SLCO3A1: variants seen among roughly 807,000 people sequenced by gnomAD.
SLCO3A1 encodes solute carrier organic anion transporter family member 3A1.
SLCO3A1 carries 27 observed loss-of-function variants against 63.1 expected under a neutral mutation model. The ratio of observed to expected loss-of-function variants is 0.43; its 90% CI spans 0.32 to 0.59. The LOEUF (loss-of-function observed/expected upper bound fraction) is 0.59, where lower values mean the gene tolerates loss of function less well. Ranked by LOEUF, SLCO3A1 falls within the 20% of genes least tolerant of loss-of-function variation. SLCO3A1 has a pLI of 0.09. For missense variants in SLCO3A1, 773 were observed against 945.8 expected (o/e 0.82, Z 2.40); for synonymous variants, 473 against 409.9 (o/e 1.15, Z -1.86).
chr15:92,002,569 TTTC>T (rs2046268282), intron 2 of SLCO3A1, among the ~76,000 whole-genome samples: 1 of 152,234 alleles, frequency 6.6e-6, no homozygotes. Context: ...TCTGAGAATT[TTTC>T]TTCTTCTTGA....
chr15:92,155,111 G>T (rs2048355486), intron 9 of SLCO3A1: 1 of 152,212 alleles, frequency 6.6e-6, no homozygotes, highest in South Asian at 2.1e-4. Context: ...AGAAGGGTCA[G>T]TGAATTCAGA....
intron 2 of SLCO3A1, among the ~76,000 whole-genome samples, chr15:91,957,980 A>G: frequency 6.6e-6 from 1 of 152,164 alleles, no homozygotes; most frequent in East Asian, 1.9e-4. Flanking sequence ...CATTTGATCC[A>G]TGAACAACAT....
intron 2 of SLCO3A1, among the ~76,000 whole-genome samples, chr15:92,065,990 T>C (rs566504079): frequency 6.6e-6 from 1 of 152,118 alleles, no homozygotes; most frequent in Non-Finnish European, 1.5e-5. Context: ...AGATGGAAAG[T>C]AGTGAGCTTT....
At chr15:91,955,363 C>T (rs113489691) in intron 2 of SLCO3A1, among the ~76,000 whole-genome samples, 8,904 of 151,150 alleles carry the variant, frequency 0.059, 374 homozygotes, top group Non-Finnish European at 0.09. Context: ...AACAGAGTCT[C>T]GCTCTGTCAC....
Position 92,073,080 on chromosome 15 carries a change from A to G in SLCO3A1, c.647-21801A>G, listed in dbSNP as rs141195073. On this transcript the variant is annotated intron_variant, in intron 2 of 9. Transcript: ENST00000318445. ...CCTTTGCCCGGTAAGCCATGCACCAAGGATCCAAATTTGAAAACCAGAGTT... is the reference window on the plus strand; with the variant it reads ...CCTTTGCCCGGTAAGCCATGCACCAGGGATCCAAATTTGAAAACCAGAGTT... Among the ~76,000 whole-genome samples the G allele has an allele frequency of 1.6e-3, 251 of 152,176 alleles. 4 individuals carry two copies. Among genetic ancestry groups the G allele is most frequent in the African/African-American group, 5.8e-3 (240 of 41,524 alleles).
chr15:92,018,875 C>T (rs975994278), intron 2 of SLCO3A1, among the ~76,000 whole-genome samples: 7 of 152,158 alleles, frequency 4.6e-5, no homozygotes, highest in African/African-American at 2.4e-5. Flanking sequence ...CCCTCAGTTA[C>T]GATAATGTGA....
At chr15:92,060,022 C>T (rs1014047613) in intron 2 of SLCO3A1, among the ~76,000 whole-genome samples, 1 of 152,080 alleles carries the variant, frequency 6.6e-6, no homozygotes, top group African/African-American at 2.4e-5. Context: ...GCAGTTGCAA[C>T]GCAACGGTAA....
intron 2 of SLCO3A1, among the ~76,000 whole-genome samples, chr15:92,053,473 C>A (rs979447321): frequency 6.6e-6 from 1 of 152,058 alleles, no homozygotes; most frequent in African/African-American, 2.4e-5. Flanking sequence ...TATTCAGATG[C>A]GTGTAGTTTT....
intron 7 of SLCO3A1, among the ~76,000 whole-genome samples, chr15:92,131,567 C>A (rs1272891460): frequency 6.9e-6 from 1 of 144,612 alleles, no homozygotes; most frequent in Admixed American, 6.9e-5. Flanking sequence ...GGTTTTTCAC[C>A]GTGACGGCCA....
chr15:92,131,880 A>G lies in SLCO3A1; in HGVS notation c.1512+3391A>G, dbSNP rs542045993. ...GTTAGTGCCCTTCCTGCAAACCCCT[A>G]TTGCCCCTGCTCTTGCCTAGCAAGG... On this transcript the variant is annotated intron_variant, in intron 7 of 9. Coordinates refer to ENST00000318445, the MANE Select transcript of SLCO3A1 (RefSeq NM_013272.4). 3.4e-5 allele frequency among the ~76,000 whole-genome samples: 5 copies of G among 145,084 alleles called. 1 individual carries two copies. Among genetic ancestry groups the G allele is most frequent in the South Asian group, 2.2e-4 (1 of 4,530 alleles).
At chr15:91,970,446 G>A (rs1242513173) in intron 2 of SLCO3A1, among the ~76,000 whole-genome samples, 2 of 152,152 alleles carry the variant, frequency 1.3e-5, no homozygotes, top group Non-Finnish European at 2.9e-5. Context: ...GCAGAGTTGT[G>A]GAGTCCTCTC....
intron 7 of SLCO3A1, among the ~76,000 whole-genome samples, chr15:92,136,987 T>C (rs2048066736): frequency 6.8e-6 from 1 of 148,076 alleles, no homozygotes; most frequent in Non-Finnish European, 1.5e-5. Flanking sequence ...TTTTTTTTAA[T>C]TATACTTTAA....
At chr15:92,022,385 A>G (rs2046520921) in intron 2 of SLCO3A1, among the ~76,000 whole-genome samples, 1 of 152,158 alleles carries the variant, frequency 6.6e-6, no homozygotes, top group Admixed American at 6.5e-5. Flanking sequence ...ACCAAGGGTA[A>G]TAGTCACCCA....
chr15:92,089,497 G>A (rs774227490), intron 2 of SLCO3A1, among the ~76,000 whole-genome samples: 24 of 152,174 alleles, frequency 1.6e-4, no homozygotes, highest in Admixed American at 3.9e-4. Context: ...CTCCACAAGG[G>A]TGAGGTTTTC....
chr15:91,946,182 A>G (rs896453574), intron 2 of SLCO3A1, among the ~76,000 whole-genome samples: 4 of 152,186 alleles, frequency 2.6e-5, no homozygotes, highest in Non-Finnish European at 4.4e-5. Context: ...TTGTAATGCA[A>G]GTGCTGAGAA....
chr15:91,972,369 AG>A (rs1381474325), intron 2 of SLCO3A1, among the ~76,000 whole-genome samples: 1 of 152,064 alleles, frequency 6.6e-6, no homozygotes, highest in Non-Finnish European at 1.5e-5. Context: ...ATGATGGAGG[AG>A]CCCCCATGAT....
intron 2 of SLCO3A1, among the ~76,000 whole-genome samples, chr15:92,057,735 A>C (rs908655): frequency 0.79 from 119,518 of 152,094 alleles, 47,083 homozygotes; most frequent in Admixed American, 0.88. Context: ...AATCACTGAT[A>C]ATCAGAGGCT....
At chr15:92,036,529 C>G (rs1349657966) in intron 2 of SLCO3A1, among the ~76,000 whole-genome samples, 2 of 152,108 alleles carry the variant, frequency 1.3e-5, no homozygotes, top group African/African-American at 4.8e-5. Context: ...TTAACCCAAC[C>G]TCTTTACACA....
chr15:92,021,836 C>T (rs1055580198), intron 2 of SLCO3A1, among the ~76,000 whole-genome samples: 5 of 152,038 alleles, frequency 3.3e-5, no homozygotes, highest in African/African-American at 9.7e-5. Flanking sequence ...GGGCTAGGGA[C>T]GCCCGAGGGA....
Sources: gnomAD v4.1 joint callset for allele counts (sites outside exome capture counted in the v4.1 genomes callset) on GRCh38, gnomAD v4.1.1 for gene constraint, MANE v1.5 for transcripts, NCBI Gene and HGNC (gene_info 2026-07-23, HGNC 2026-07-21) for gene names.